The following LRFN5 variants were observed in gnomAD, a reference collection of about 807,000 sequenced individuals.
LRFN5 encodes the protein leucine rich repeat and fibronectin type III domain containing 5, also known as leucine-rich repeat and fibronectin type-III domain-containing protein 5.
LRFN5 carries 24 observed loss-of-function variants against 45.6 expected under a neutral mutation model. The ratio of observed to expected loss-of-function variants is 0.53; its 90% CI spans 0.38 to 0.74. LRFN5 has a LOEUF of 0.74. Among genes scored for constraint, LRFN5 ranks in the 30% least tolerant of loss-of-function variants. The pLI, the probability that LRFN5 is intolerant of heterozygous loss-of-function variation, is 0.00. For synonymous variants in LRFN5, 340 were observed against 313.8 expected (o/e 1.08, Z -0.88); for missense variants, 776 against 861.5 (o/e 0.90, Z 1.24).
chr14:41,811,978 G>A (rs930330694), intron 2 of LRFN5, among the ~76,000 whole-genome samples: 5 of 152,032 alleles, frequency 3.3e-5, no homozygotes, highest in Non-Finnish European at 7.4e-5. Flanking sequence ...AATAAATATG[G>A]AGTATAAGAT....
intron 1 of LRFN5, among the ~76,000 whole-genome samples, chr14:41,688,831 A>G (rs1030933398): frequency 6.6e-6 from 1 of 151,380 alleles, no homozygotes; most frequent in Non-Finnish European, 1.5e-5. Context: ...CAGCACTGTC[A>G]GTGACCGAGG....
intron 3 of LRFN5, among the ~76,000 whole-genome samples, chr14:41,890,168 A>G (rs551024757): frequency 1.3e-5 from 2 of 152,036 alleles, no homozygotes; most frequent in Non-Finnish European, 2.9e-5. Flanking sequence ...TGAAAGTATC[A>G]CTGGAATTAG....
intron 2 of LRFN5, among the ~76,000 whole-genome samples, chr14:41,843,506 A>T (rs1566478265): frequency 6.6e-6 from 1 of 152,252 alleles, no homozygotes; most frequent in Non-Finnish European, 1.5e-5. Context: ...CCCCTCTGTT[A>T]TAAAAATCGT....
chr14:41,860,393 A>G (rs1889619270), intron 2 of LRFN5, among the ~76,000 whole-genome samples: 1 of 152,146 alleles, frequency 6.6e-6, no homozygotes, highest in Non-Finnish European at 1.5e-5. Flanking sequence ...TTAGATTTAT[A>G]TTCTTTTTGA....
chr14:41,812,683 C>A (rs926148065), intron 2 of LRFN5, among the ~76,000 whole-genome samples: 5 of 151,742 alleles, frequency 3.3e-5, no homozygotes, highest in Non-Finnish European at 5.9e-5. Context: ...TTGTATTTTT[C>A]TTTGCTTGAA....
Position 41,898,972 on chromosome 14 carries a change from A to T in LRFN5, c.2142+12A>T. On this transcript the variant is annotated intron_variant, in intron 5 of 5. Coordinates refer to ENST00000298119, the MANE Select transcript of LRFN5 (RefSeq NM_152447.5). ...TCCAGGAAACACAGGTGAGATTCTT[A>T]TTACCTATAACTTACTTCAACACTT... 6.2e-7 allele frequency: 1 copy of T among 1,604,874 alleles called. No homozygotes were observed. Among genetic ancestry groups the T allele is most frequent in the South Asian group, 1.1e-5 (1 of 89,878 alleles).
At chr14:41,852,933 A>AT (rs1316756873) in intron 2 of LRFN5, among the ~76,000 whole-genome samples, 6 of 152,008 alleles carry the variant, frequency 3.9e-5, no homozygotes, top group East Asian at 1.9e-4. Flanking sequence ...AACTAAAATA[A>AT]TTTTTTTGTG....
chr14:41,794,040 A>T (rs1043582012), intron 2 of LRFN5, among the ~76,000 whole-genome samples: 18 of 152,186 alleles, frequency 1.2e-4, no homozygotes, highest in African/African-American at 3.6e-4. Context: ...GATTTTATTC[A>T]TTATTATCTT....
chr14:41,854,607 G>A (rs1594468025), intron 2 of LRFN5, among the ~76,000 whole-genome samples: 1 of 152,242 alleles, frequency 6.6e-6, no homozygotes, highest in East Asian at 1.9e-4. Flanking sequence ...AGAATTTGAA[G>A]GAAAGAAAAT....
intron 1 of LRFN5, among the ~76,000 whole-genome samples, chr14:41,718,310 G>A (rs575292100): frequency 8.5e-5 from 13 of 152,166 alleles, no homozygotes; most frequent in South Asian, 4.1e-4. Flanking sequence ...GCACTTCTCC[G>A]TCTTGCAATT....
intron 1 of LRFN5, among the ~76,000 whole-genome samples, chr14:41,765,495 A>AG (rs1566659921): frequency 1.3e-5 from 2 of 152,226 alleles, no homozygotes; most frequent in African/African-American, 4.8e-5. Flanking sequence ...GTTTTCTCCG[A>AG]GGAGGACATC....
At chr14:41,719,619 C>G (rs574174747) in intron 1 of LRFN5, among the ~76,000 whole-genome samples, 65 of 152,048 alleles carry the variant, frequency 4.3e-4, no homozygotes, top group Non-Finnish European at 7.2e-4. Context: ...TAATCACTTT[C>G]TTGTTTCTGA....
intron 1 of LRFN5, among the ~76,000 whole-genome samples, chr14:41,691,938 A>G (rs1882396682): frequency 6.6e-6 from 1 of 152,028 alleles, no homozygotes. Context: ...GTAATTTTCC[A>G]TGGTGTTCTT....
At chr14:41,819,794 T>C (rs1042536289) in intron 2 of LRFN5, among the ~76,000 whole-genome samples, 2 of 152,204 alleles carry the variant, frequency 1.3e-5, no homozygotes, top group East Asian at 1.9e-4. Flanking sequence ...TCCAATCACC[T>C]TCCACCAGGC....
At chr14:41,892,195 T>C in intron 4 of LRFN5, 1 of 985,254 alleles carries the variant, frequency 1.0e-6, no homozygotes, top group African/African-American at 1.7e-5. Flanking sequence ...GTGTAATTTA[T>C]AATTTCTTTT....
chr14:41,728,158 A>T (rs188199362), intron 1 of LRFN5, among the ~76,000 whole-genome samples: 1 of 152,144 alleles, frequency 6.6e-6, no homozygotes, highest in Non-Finnish European at 1.5e-5. Context: ...GCAATCTTCC[A>T]TTAGTCATAT....
At position 41,886,906 on chromosome 14, in the gene LRFN5, C is replaced by G; in HGVS notation, c.281C>G (p.Ala94Gly). ...RNTISFITPH[A>G]FADLRNLRAL... is the part of the protein sequence containing the mutation. ...ACAATAAGTTTTATTACACCTCATGCTTTCGCTGACCTACGAAATTTGAGG... is the reference window on the plus strand; with the variant it reads ...ACAATAAGTTTTATTACACCTCATGGTTTCGCTGACCTACGAAATTTGAGG... Residue 94 changes from alanine to glycine, a missense_variant, in exon 3 of 6, where the codon GCT becomes GGT. Physicochemically the swap from Ala to Gly is moderately conservative, Grantham distance 60. This residue lies in a region of LRFN5 where 311 missense variants were observed against 405.1 expected (regional missense o/e 0.77). Coordinates refer to ENST00000298119, the MANE Select transcript of LRFN5 (RefSeq NM_152447.5). The G allele has an allele frequency of 1.2e-6, 2 of 1,614,206 alleles. No individual in the cohort carries two copies. The highest frequency in any genetic ancestry group is 1.7e-6 in the Non-Finnish European group (2 of 1,180,032).
At chr14:41,877,944 A>G (rs1025733608) in intron 2 of LRFN5, among the ~76,000 whole-genome samples, 11 of 152,098 alleles carry the variant, frequency 7.2e-5, no homozygotes, top group Non-Finnish European at 1.3e-4. Context: ...GTACTTAGCC[A>G]TATTACTAGT....
At chr14:41,794,890 T>A (rs10483523) in intron 2 of LRFN5, among the ~76,000 whole-genome samples, 20,481 of 151,924 alleles carry the variant, frequency 0.13, 1,656 homozygotes, top group Non-Finnish European at 0.18. Context: ...GTTCCTAAGA[T>A]GCACAATTAT....
Sources: gnomAD v4.1 joint callset for allele counts (sites outside exome capture counted in the v4.1 genomes callset) on GRCh38, gnomAD v4.1.1 for gene constraint, gnomAD v4.1.1 regional missense constraint, MANE v1.5 for transcripts, NCBI Gene and HGNC (gene_info 2026-07-23, HGNC 2026-07-21) for gene names.